EIF4EBP2: variants seen among roughly 807,000 people sequenced by gnomAD.
EIF4EBP2 encodes eukaryotic translation initiation factor 4E binding protein 2.
A neutral mutation model predicts 10.3 loss-of-function variants in EIF4EBP2; 5 were observed. The ratio of observed to expected loss-of-function variants is 0.48; its 90% CI spans 0.25 to 1.02. The LOEUF (loss-of-function observed/expected upper bound fraction) is 1.02, where lower values mean the gene tolerates loss of function less well. EIF4EBP2 is among the 50% of genes least tolerant of loss of function. The probability of loss-of-function intolerance (pLI) is 0.15; values close to 1 mark genes in which losing one functional copy is unlikely to be tolerated. For missense variants in EIF4EBP2, 188 were observed against 162.2 expected, an observed-to-expected ratio of 1.16 and a Z score of -0.86; for synonymous variants, 67 against 61.1, an observed-to-expected ratio of 1.10 and a Z score of -0.45.
intron 1 of EIF4EBP2, among the ~76,000 whole-genome samples, chr10:70,411,468 A>G (rs983518557): frequency 1.3e-5 from 2 of 152,056 alleles, no homozygotes; most frequent in Admixed American, 6.6e-5. Context: ...TACTGGCCAC[A>G]CAACAAAAAG....
At chr10:70,407,738 C>G (rs1226353354) in intron 1 of EIF4EBP2, among the ~76,000 whole-genome samples, 4 of 139,822 alleles carry the variant, frequency 2.9e-5, no homozygotes, top group African/African-American at 8.1e-5. Flanking sequence ...TGACCCCCCC[C>G]CCACCTCCCT....
rs145790831 is a variant in EIF4EBP2, at chr10:70,426,212, C to G, written c.*4465C>G. 1 of 152,316 alleles carries G rather than the reference C, an allele frequency of 6.6e-6. No homozygotes were observed. The highest frequency in any genetic ancestry group is 2.4e-5 in the African/African-American group (1 of 41,574). The allele number at this position is 152,316 out of a possible 1,614,324, so 9.4% of individuals were successfully genotyped here. A position where few individuals can be genotyped will look rare whatever the true frequency, so the allele number is the denominator to read the frequency against. On this transcript the variant is annotated 3_prime_UTR_variant, in exon 3 of 3. Coordinates refer to ENST00000373218, the MANE Select transcript of EIF4EBP2 (RefSeq NM_004096.5). The stretch of plus-strand genomic sequence containing the variant: ...TTCTGGCACTCATTCCTAACCAAGT[C>G]TTTAGAGATTTCAGATGACCTTAAA...
chr10:70,417,219 T>C (rs1212372116), intron 1 of EIF4EBP2, among the ~76,000 whole-genome samples: 3 of 152,142 alleles, frequency 2.0e-5, no homozygotes, highest in Non-Finnish European at 4.4e-5. Flanking sequence ...TTGAAGACAT[T>C]ATGAAAGTGA....
chr10:70,420,183 T>G lies in EIF4EBP2; in HGVS notation c.331+84T>G, dbSNP rs552972255. ...TTGCTGTAGGTTGAGAAGCTATTGA[T>G]TCTTCAGTTTTGTTTTTTGTTTTTT... On this transcript the variant is annotated intron_variant, in intron 2 of 2. Coordinates refer to ENST00000373218, the MANE Select transcript of EIF4EBP2 (RefSeq NM_004096.5). 3 of 1,385,724 alleles carry G rather than the reference T, an allele frequency of 2.2e-6. No homozygotes were observed. In the South Asian group the frequency reaches 4.4e-5, roughly 20 times the overall value. The allele number at this position is 1,385,724 out of a possible 1,614,324, so 85.8% of individuals were successfully genotyped here.
intron 1 of EIF4EBP2, among the ~76,000 whole-genome samples, chr10:70,415,223 T>C (rs1358389008): frequency 6.7e-6 from 1 of 150,142 alleles, no homozygotes; most frequent in African/African-American, 2.4e-5. Context: ...AACAATTTGA[T>C]AGGAATAACT....
At chr10:70,418,009 C>T (rs1845114954) in intron 1 of EIF4EBP2, among the ~76,000 whole-genome samples, 1 of 152,178 alleles carries the variant, frequency 6.6e-6, no homozygotes, top group Non-Finnish European at 1.5e-5. Flanking sequence ...TAAGGGTGTG[C>T]TATACAGATT....
At position 70,428,295 on chromosome 10, in the gene EIF4EBP2, G is replaced by A. The variant is rs1845224938; in HGVS notation, c.*6548G>A. On this transcript the variant is annotated 3_prime_UTR_variant, in exon 3 of 3. Coordinates refer to ENST00000373218, the MANE Select transcript of EIF4EBP2 (RefSeq NM_004096.5). The stretch of plus-strand genomic sequence containing the variant: ...AATATTTTATTTAAAAAAAAAAATA[G>A]CCCTGCCCTGTCTTAGTGCCACTAA... The A allele has an allele frequency of 6.6e-6, 1 of 151,858 alleles. No individual in the cohort carries two copies. The highest frequency in any genetic ancestry group is 2.4e-5 in the African/African-American group (1 of 41,322). 9.4% of individuals were successfully genotyped at this position (151,858 alleles called of 1,614,324 possible).
At chr10:70,417,220 ATGAAAG>A (rs1261540665) in intron 1 of EIF4EBP2, among the ~76,000 whole-genome samples, 1 of 152,258 alleles carries the variant, frequency 6.6e-6, no homozygotes, top group Non-Finnish European at 1.5e-5. Flanking sequence ...TGAAGACATT[ATGAAAG>A]TGAAAGAAGC....
At chr10:70,412,166 C>G (rs989370640) in intron 1 of EIF4EBP2, among the ~76,000 whole-genome samples, 5 of 152,118 alleles carry the variant, frequency 3.3e-5, no homozygotes, top group African/African-American at 1.2e-4. Flanking sequence ...TGAGATTTTC[C>G]CCTCCAACGG....
At chr10:70,419,810 C>G in intron 1 of EIF4EBP2, 104 bp from the exon 2 acceptor site, 1 of 892,284 alleles carries the variant, frequency 1.1e-6, no homozygotes, top group Non-Finnish European at 1.7e-6. Context: ...TTGTAAAATC[C>G]TTAAAAGTTA....
intron 1 of EIF4EBP2, among the ~76,000 whole-genome samples, chr10:70,418,198 A>G (rs1449321769): frequency 3.9e-5 from 6 of 152,162 alleles, no homozygotes; most frequent in Non-Finnish European, 8.8e-5. Context: ...CCTTACCCCC[A>G]TGTAAGGGAC....
intron 1 of EIF4EBP2, among the ~76,000 whole-genome samples, chr10:70,408,200 C>T (rs71480654): frequency 5.9e-5 from 8 of 135,714 alleles, no homozygotes; most frequent in East Asian, 4.7e-4. Context: ...GCTGGCCGGG[C>T]GGGGGGCTGA....
At chr10:70,421,656 T>G in intron 2 of EIF4EBP2, 60 bp from the exon 3 acceptor site, 1 of 1,496,324 alleles carries the variant, frequency 6.7e-7, no homozygotes, top group Non-Finnish European at 9.3e-7. Flanking sequence ...GAATGACAGT[T>G]AAAACTGTTA....
rs1438621073 is a variant in EIF4EBP2 at position 70,425,759 on chromosome 10, A to G, written c.*4012A>G. ...GGAACTGGGGCCTTCCAGCCGAGCC[A>G]CTAAACCTGTCTTATTTGGAATGGG... On this transcript the variant is annotated 3_prime_UTR_variant, in exon 3 of 3. Transcript: ENST00000373218. 1.3e-5 allele frequency: 2 copies of G among 152,280 alleles called. No homozygotes were observed. Among genetic ancestry groups the G allele is most frequent in the East Asian group, 3.8e-4 (2 of 5,206 alleles). The allele number at this position is 152,280 out of a possible 1,614,324, so 9.4% of individuals were successfully genotyped here. A position where few individuals can be genotyped will look rare whatever the true frequency, so the allele number is the denominator to read the frequency against.
chr10:70,421,610 G>T, intron 2 of EIF4EBP2, 106 bp from the exon 3 acceptor site: 1 of 1,017,112 alleles, frequency 9.8e-7, no homozygotes, highest in South Asian at 1.5e-5. Context: ...CAGAGAGTGG[G>T]ACAATTTGAA....
intron 1 of EIF4EBP2, among the ~76,000 whole-genome samples, chr10:70,415,307 T>A (rs969851436): frequency 1.3e-5 from 2 of 152,040 alleles, no homozygotes; most frequent in Non-Finnish European, 2.9e-5. Flanking sequence ...AAGACCCAAA[T>A]AAGTGGAAAG....
chr10:70,407,531 G>C (rs1254458614), intron 1 of EIF4EBP2, among the ~76,000 whole-genome samples: 5 of 152,052 alleles, frequency 3.3e-5, no homozygotes, highest in African/African-American at 1.2e-4. Context: ...CACAGACACG[G>C]CAACCATCCG....
rs1845203013 is a variant in EIF4EBP2 at position 70,426,027 on chromosome 10, T to A, written c.*4280T>A. The A allele has an allele frequency of 6.6e-6, 1 of 152,226 alleles. No homozygotes were observed. The highest frequency in any genetic ancestry group is 1.5e-5 in the Non-Finnish European group (1 of 68,042). 9.4% of individuals were successfully genotyped at this position (152,226 alleles called of 1,614,324 possible). ...ATTACAAATGTCTATGCTTGATTGCTCCTCTAAATCCAGTGCATAGGTTAA... is the reference window on the plus strand; with the variant it reads ...ATTACAAATGTCTATGCTTGATTGCACCTCTAAATCCAGTGCATAGGTTAA... On this transcript the variant is annotated 3_prime_UTR_variant, in exon 3 of 3. Coordinates refer to ENST00000373218, the MANE Select transcript of EIF4EBP2 (RefSeq NM_004096.5).
At chr10:70,411,280 T>C (rs1845041186) in intron 1 of EIF4EBP2, among the ~76,000 whole-genome samples, 1 of 152,216 alleles carries the variant, frequency 6.6e-6, no homozygotes, top group Non-Finnish European at 1.5e-5. Context: ...TGTGTCTTCA[T>C]GAATTTGACT....
Sources: allele counts gnomAD v4.1 joint callset (sites outside exome capture counted in the v4.1 genomes callset), GRCh38; gene constraint gnomAD v4.1.1; transcripts MANE v1.5; gene names NCBI Gene and HGNC (gene_info 2026-07-23, HGNC 2026-07-21).